SAFB: variants seen among roughly 807,000 people sequenced by gnomAD.
SAFB encodes the protein scaffold attachment factor B1.
A neutral mutation model predicts 101.6 loss-of-function variants in SAFB; 15 were observed. That is an observed-to-expected ratio of 0.15 (90% CI 0.10 to 0.23). SAFB has a LOEUF of 0.23. Ranked by LOEUF, SAFB falls within the 10% of genes least tolerant of loss-of-function variation. SAFB has a pLI of 1.00. For missense variants in SAFB, 930 were observed against 1,104.1 expected (o/e 0.84, Z 2.23); for synonymous variants, 449 against 407.5 (o/e 1.10, Z -1.23).
In SAFB at chr19:5,657,279, G is replaced by C. The variant is rs779517243; in HGVS notation, c.1794G>C (p.Glu598Asp). ...AGGATCGCAAATCAGCCAGCAGAGA[G>C]AAGCGGTCCGTCGTGTCCTTTGATA... ...KSQDRKSASREKRSVVSFDKV... is the reference protein window; with the variant it reads ...KSQDRKSASRDKRSVVSFDKV... Residue 598 changes from glutamate to aspartate, a missense_variant, in exon 14 of 21, where the codon GAG (glutamate) becomes GAC (aspartate). Coordinates refer to ENST00000588852, the MANE Select transcript of SAFB (RefSeq NM_001201338.2). 6 of 1,614,104 alleles carry C rather than the reference G, an allele frequency of 3.7e-6. No individual in the cohort carries two copies. The highest frequency in any genetic ancestry group is 5.1e-6 in the Non-Finnish European group (6 of 1,179,978).
chr19:5,630,376 ATTCAAT>A (rs2053463261), intron 2 of SAFB, among the ~76,000 whole-genome samples: 1 of 152,212 alleles, frequency 6.6e-6, no homozygotes. Context: ...TTAATCTGTC[ATTCAAT>A]TTAATCTGAT....
intron 11 of SAFB, among the ~76,000 whole-genome samples, chr19:5,653,787 C>T (rs965647003): frequency 9.9e-5 from 15 of 151,860 alleles, no homozygotes; most frequent in African/African-American, 3.6e-4. Context: ...TAAACAGAAT[C>T]TCACTCTGTT....
At chr19:5,651,219 A>G in intron 9 of SAFB, 147 bp downstream of exon 9, 2 of 555,126 alleles carry the variant, frequency 3.6e-6, no homozygotes, top group South Asian at 2.7e-5. Context: ...GCCCGTCCAC[A>G]GGTAGAGGTG....
In SAFB at chr19:5,649,185, A is replaced by G; in HGVS notation, c.834A>G (p.Thr278=). ...ATTTAGATTTGGCCAGCGAGTCAAC[A>G]GCACACGCTCAGTCGAGCAAGGCAG... The part of the protein sequence containing the change: ...EGDLDLASES[T]AHAQSSKADS... The change falls in exon 7 of 21, where the codon ACA becomes ACG. Residue 278 remains threonine, a synonymous_variant. Coordinates refer to ENST00000588852, the MANE Select transcript of SAFB (RefSeq NM_001201338.2). 1 of 371,592 alleles carries G rather than the reference A, an allele frequency of 2.7e-6. No individual in the cohort carries two copies. The allele number at this position is 371,592 out of a possible 1,614,324, so 23.0% of individuals were successfully genotyped here. A position where few individuals can be genotyped will look rare whatever the true frequency, so the allele number is the denominator to read the frequency against.
Position 5,667,798 on chromosome 19 carries a change from T to G in SAFB, c.2558-22T>G. ...ACGCCGTGTGCGCAAGTTCCCTGTG[T>G]GAAAGCACGTCTGTCTTCCAGGTGG... is the stretch of plus-strand genomic sequence containing the variant. On this transcript the variant is annotated intron_variant, in intron 19 of 20. Transcript: ENST00000588852. This position sits in a 1 kb window ranked among gnomAD's most constrained non-coding sequence, Gnocchi z 4.0. 1.2e-6 allele frequency: 2 copies of G among 1,613,784 alleles called. No individual in the cohort carries two copies.
chr19:5,658,473 A>T (rs2054115669), intron 14 of SAFB, among the ~76,000 whole-genome samples: 1 of 152,190 alleles, frequency 6.6e-6, no homozygotes, highest in Non-Finnish European at 1.5e-5. Context: ...CTGGTGGATC[A>T]CCTGAGGTCA....
At chr19:5,654,888 C>T (rs758625012) in intron 13 of SAFB, among the ~76,000 whole-genome samples, 2 of 152,226 alleles carry the variant, frequency 1.3e-5, no homozygotes, top group Non-Finnish European at 2.9e-5. Flanking sequence ...TTAAGAAATG[C>T]AGAAAGCTTT....
At chr19:5,632,895 G>A (rs749797597) in intron 2 of SAFB, among the ~76,000 whole-genome samples, 1 of 152,084 alleles carries the variant, frequency 6.6e-6, no homozygotes. Context: ...GAGCCACCAC[G>A]CCCAGCCTAT....
rs757641214 is a variant in SAFB, at chr19:5,668,285, C to A, written c.2748C>A (p.Arg916=). Residue 916 remains arginine, a synonymous_variant, in exon 21 of 21, where the codon CGC becomes CGA. Coordinates refer to ENST00000588852, the MANE Select transcript of SAFB (RefSeq NM_001201338.2). ...SRPSDARFTR[R]Y ...CCAGCGATGCCCGCTTCACTCGCCG[C>A]TACTGAGTACTTGGAATCCTGTGTC... 6.8e-6 allele frequency: 11 copies of A among 1,611,782 alleles called. No homozygotes were observed. The Admixed American group carries it at 1.5e-4, about 22-fold the overall frequency.
At position 5,642,651 on chromosome 19, in the gene SAFB, C is replaced by CTTTTTTTTTTTTTTT. The variant is rs767488519; in HGVS notation, c.546+717_546+731dup. Among the ~76,000 whole-genome samples the CTTTTTTTTTTTTTTT allele has an allele frequency of 3.5e-4, 25 of 70,852 alleles. 4 individuals carry two copies. In the East Asian group the frequency reaches 4.1e-3, roughly 12 times the overall value. The allele number at this position is 70,852 out of a possible 152,430, so 46.5% of individuals were successfully genotyped here. On this transcript the variant is annotated intron_variant, in intron 4 of 20. Transcript: ENST00000588852. The stretch of plus-strand genomic sequence containing the variant: ...GGCATTGGCATTATGCCCTTCCTTT[C>CTTTTTTTTTTTTTTT]TTTTTTTTTTTTTTTTTTTTTTTTT...
intron 17 of SAFB, 107 bp from the exon 18 acceptor site, chr19:5,666,939 G>A: frequency 2.5e-6 from 2 of 800,522 alleles, no homozygotes; most frequent in Non-Finnish European, 4.5e-6. Context: ...CAGCACTTCT[G>A]TCCCGAGTGA....
chr19:5,647,987 C>T (rs2053859996), intron 5 of SAFB, 29 bp from the exon 6 acceptor site: 1 of 1,603,030 alleles, frequency 6.2e-7, no homozygotes, highest in Non-Finnish European at 8.5e-7. Flanking sequence ...ATTCATCTGG[C>T]ACAGTCTTAT....
intron 14 of SAFB, 131 bp from the exon 15 acceptor site, chr19:5,661,387 G>T (rs551832366): frequency 2.2e-4 from 330 of 1,492,872 alleles, no homozygotes; most frequent in Admixed American, 4.8e-4. Flanking sequence ...CCGCTGGAGT[G>T]TACGGTTCTG....
At chr19:5,651,412 T>C (rs1468860586) in intron 9 of SAFB, among the ~76,000 whole-genome samples, 2 of 152,182 alleles carry the variant, frequency 1.3e-5, no homozygotes, top group Non-Finnish European at 2.9e-5. Flanking sequence ...GAGACAGCAG[T>C]GTTCTTAGAA....
intron 14 of SAFB, among the ~76,000 whole-genome samples, chr19:5,660,262 A>C (rs549692625): frequency 6.6e-6 from 1 of 151,424 alleles, no homozygotes; most frequent in South Asian, 2.1e-4. Context: ...GATAACTTCT[A>C]ATACAATGAA....
At chr19:5,650,814 A>G (rs1221233024) in intron 8 of SAFB, among the ~76,000 whole-genome samples, 164 bp from the exon 9 acceptor site, 1 of 152,032 alleles carries the variant, frequency 6.6e-6, no homozygotes, top group Non-Finnish European at 1.5e-5. Context: ...GTTGCACTGG[A>G]GGCTCTTGGT....
At chr19:5,662,376 C>A (rs1050765905) in intron 15 of SAFB, among the ~76,000 whole-genome samples, 11 of 152,024 alleles carry the variant, frequency 7.2e-5, no homozygotes, top group African/African-American at 2.6e-4. Context: ...CGCCTGTAAT[C>A]CCAGCTACTG....
At position 5,623,135 on chromosome 19, in the gene SAFB, T is replaced by G; in HGVS notation, c.-71T>G. 12 of 1,449,548 alleles carry G rather than the reference T, an allele frequency of 8.3e-6. No individual in the cohort carries two copies. Among genetic ancestry groups the G allele is most frequent in the South Asian group, 2.5e-5 (2 of 80,028 alleles). 89.8% of individuals were successfully genotyped at this position (1,449,548 alleles called of 1,614,324 possible). A position where few individuals can be genotyped will look rare whatever the true frequency, so the allele number is the denominator to read the frequency against. ...AGCGGTTCCCTCGCAGGCGGCGCCA[T>G]TTTGTGCTAGGAGCCTGATAAAACC... is the stretch of plus-strand genomic sequence containing the variant. On this transcript the variant is annotated 5_prime_UTR_variant, in exon 1 of 21. Transcript: ENST00000588852.
intron 1 of SAFB, among the ~76,000 whole-genome samples, chr19:5,623,717 C>T (rs886746839): frequency 2.0e-5 from 3 of 152,158 alleles, no homozygotes; most frequent in African/African-American, 4.8e-5. Flanking sequence ...GGAGGGGAGA[C>T]CCTGAAACCC....
Sources: allele counts gnomAD v4.1 joint callset (sites outside exome capture counted in the v4.1 genomes callset), GRCh38; gene constraint gnomAD v4.1.1; non-coding constraint Gnocchi (gnomAD v3.1); transcripts MANE v1.5; gene names NCBI Gene and HGNC (gene_info 2026-07-23, HGNC 2026-07-21).